The following PACS1 variants were observed in gnomAD, a reference collection of about 807,000 sequenced individuals.
The protein encoded by PACS1 is phosphofurin acidic cluster sorting protein 1, also known as PACS-1.
PACS1 carries 24 observed loss-of-function variants against 115.0 expected under a neutral mutation model. The observed-to-expected ratio is 0.21, with a 90% CI of 0.15 to 0.29. The LOEUF (loss-of-function observed/expected upper bound fraction) is 0.29, where lower values mean the gene tolerates loss of function less well. Ranked by LOEUF, PACS1 falls within the 10% of genes least tolerant of loss-of-function variation. PACS1 has a pLI of 1.00. For synonymous variants in PACS1, 453 were observed against 504.5 expected, an observed-to-expected ratio of 0.90 and a Z score of 1.37; for missense variants, 838 against 1,251.2, an observed-to-expected ratio of 0.67 and a Z score of 4.98.
At chr11:66,234,965 G>A (rs188356149) in intron 17 of PACS1, among the ~76,000 whole-genome samples, 12 of 152,326 alleles carry the variant, frequency 7.9e-5, no homozygotes, top group African/African-American at 2.4e-4. Flanking sequence ...AGGGCCTGGC[G>A]CAACTGAGAA....
chr11:66,199,068 G>A (rs1014156976), intron 2 of PACS1, among the ~76,000 whole-genome samples: 2 of 152,030 alleles, frequency 1.3e-5, no homozygotes, highest in Non-Finnish European at 2.9e-5. Flanking sequence ...ATAATCCCAG[G>A]ACTTTGGGAG....
At chr11:66,157,060 G>A (rs935666563) in intron 1 of PACS1, among the ~76,000 whole-genome samples, 8 of 151,968 alleles carry the variant, frequency 5.3e-5, no homozygotes, top group Non-Finnish European at 1.2e-4. Context: ...TGATAATTTT[G>A]TCTCCCCTCA....
At chr11:66,205,529 T>C (rs1854914834) in intron 2 of PACS1, among the ~76,000 whole-genome samples, 1 of 151,820 alleles carries the variant, frequency 6.6e-6, no homozygotes, top group African/African-American at 2.4e-5. Context: ...CCCATAAATA[T>C]ATATGCCATG....
intron 19 of PACS1, 178 bp from the exon 20 acceptor site, chr11:66,238,626 A>G (rs1434076572): frequency 3.2e-6 from 2 of 621,230 alleles, no homozygotes; most frequent in Non-Finnish European, 5.6e-6. Context: ...TCAGCCTCCC[A>G]AAGTGCTGGG....
At chr11:66,189,963 G>C (rs1854479528) in intron 1 of PACS1, among the ~76,000 whole-genome samples, 2 of 152,196 alleles carry the variant, frequency 1.3e-5, no homozygotes, top group African/African-American at 4.8e-5. Flanking sequence ...GCTATAACCT[G>C]AAACCTGTTT....
chr11:66,092,202 A>G (rs947218369), intron 1 of PACS1, among the ~76,000 whole-genome samples: 2 of 152,052 alleles, frequency 1.3e-5, no homozygotes, highest in Non-Finnish European at 2.9e-5. Flanking sequence ...TGACTTTTTA[A>G]TGATTGCCAT....
intron 1 of PACS1, among the ~76,000 whole-genome samples, chr11:66,178,414 T>C (rs578126919): frequency 9.2e-5 from 14 of 152,340 alleles, no homozygotes; most frequent in African/African-American, 3.1e-4. Context: ...TGCTATGTAG[T>C]ATTCCATTGT....
chr11:66,181,353 C>T (rs1455096499), intron 1 of PACS1, among the ~76,000 whole-genome samples: 2 of 151,872 alleles, frequency 1.3e-5, no homozygotes, highest in Non-Finnish European at 2.9e-5. Flanking sequence ...GCTGGGATTA[C>T]AGGTGTCCAC....
At chr11:66,234,100 G>A (rs779422075) in intron 16 of PACS1, 32 bp from the exon 17 acceptor site, 6 of 1,561,642 alleles carry the variant, frequency 3.8e-6, no homozygotes, top group Non-Finnish European at 5.3e-6. Context: ...ATCTCCTGAC[G>A]AATTCACCAC....
Position 66,230,847 on chromosome 11 carries a change from G to A in PACS1, c.1533G>A (p.Thr511=), listed in dbSNP as rs746499911. The A allele has an allele frequency of 6.0e-5, 97 of 1,614,032 alleles. No individual in the cohort carries two copies. The highest frequency in any genetic ancestry group is 7.9e-5 in the Non-Finnish European group (93 of 1,180,010). The change falls in exon 13 of 24, where the codon ACG becomes ACA. Residue 511 remains threonine, a synonymous_variant. Transcript: ENST00000320580. ...GVHTPRQKRS[T]PLKERQLSKP... is the part of the protein sequence containing the mutation. ...ACACACCCCGGCAGAAGAGGAGCAC[G>A]CCCCTGAAGGAGCGGCAGCTCTCCA... is the stretch of plus-strand genomic sequence containing the variant.
At chr11:66,127,562 A>G (rs1229760628) in intron 1 of PACS1, among the ~76,000 whole-genome samples, 1 of 152,232 alleles carries the variant, frequency 6.6e-6, no homozygotes, top group East Asian at 1.9e-4. Flanking sequence ...CAAGACATGC[A>G]CACAAAGACA....
chr11:66,195,603 AT>A (rs1346897919), intron 2 of PACS1, among the ~76,000 whole-genome samples: 9 of 152,340 alleles, frequency 5.9e-5, no homozygotes, highest in Admixed American at 2.0e-4. Flanking sequence ...AGATTCTATA[AT>A]TCTAAATTAT....
chr11:66,120,917 A>C (rs1032756961), intron 1 of PACS1: 26 of 430,930 alleles, frequency 6.0e-5, no homozygotes, highest in African/African-American at 4.8e-4. Flanking sequence ...CCCTTGCCCC[A>C]GCCCTGTGCT....
intron 1 of PACS1, among the ~76,000 whole-genome samples, chr11:66,090,629 C>G (rs1260748954): frequency 6.6e-6 from 1 of 152,102 alleles, no homozygotes; most frequent in East Asian, 1.9e-4. Context: ...GAGCACTGAT[C>G]TGTTGGGATT....
At chr11:66,074,644 T>C (rs1276190221) in intron 1 of PACS1, among the ~76,000 whole-genome samples, 2 of 152,194 alleles carry the variant, frequency 1.3e-5, no homozygotes, top group Non-Finnish European at 2.9e-5. Context: ...GTATGTGAAC[T>C]TAGGGTAGGA....
Position 66,134,252 on chromosome 11 carries a change from TTC to T in PACS1, c.357-59232_357-59231del, listed in dbSNP as rs1858779870. Among the ~76,000 whole-genome samples, 3 of 105,722 alleles carry T rather than the reference TTC, an allele frequency of 2.8e-5. No individual in the cohort carries two copies. In the South Asian group the frequency reaches 1.1e-3, roughly 39 times the overall value. 69.4% of individuals were successfully genotyped at this position (105,722 alleles called of 152,430 possible). A position where few individuals can be genotyped will look rare whatever the true frequency, so the allele number is the denominator to read the frequency against. ...ATTAAATTTCTTTTTCTTTTTCTTT[TTC>T]TTTTTTTTTTTTTTTTTTTTTTTTT... On this transcript the variant is annotated intron_variant, in intron 1 of 23. Transcript: ENST00000320580.
chr11:66,184,803 AT>A (rs559642978), intron 1 of PACS1, among the ~76,000 whole-genome samples: 2 of 152,108 alleles, frequency 1.3e-5, no homozygotes, highest in Non-Finnish European at 2.9e-5. Context: ...GATTATGCCC[AT>A]TTTTTTCTTT....
intron 10 of PACS1, among the ~76,000 whole-genome samples, chr11:66,226,646 T>C (rs532387237): frequency 6.6e-6 from 1 of 152,292 alleles, no homozygotes; most frequent in Admixed American, 6.5e-5. Context: ...GACCCTGAAC[T>C]TACTAGCCTG....
chr11:66,100,544 C>T (rs1331714182), intron 1 of PACS1, among the ~76,000 whole-genome samples: 1 of 152,150 alleles, frequency 6.6e-6, no homozygotes. Flanking sequence ...ATTTACTCTG[C>T]AAAATCATAA....
Sources: gnomAD v4.1 joint callset for allele counts (sites outside exome capture counted in the v4.1 genomes callset) on GRCh38, gnomAD v4.1.1 for gene constraint, MANE v1.5 for transcripts, NCBI Gene and HGNC (gene_info 2026-07-23, HGNC 2026-07-21) for gene names.